Variants in JRK observed in about 807,000 individuals in gnomAD.
JRK encodes jerky protein homolog.
For synonymous variants in JRK, 303 were observed against 218.1 expected (o/e 1.39, Z -3.43); for missense variants, 720 against 509.2 (o/e 1.41, Z -3.98).
In JRK at chr8:142,660,517, G is replaced by A. The variant is rs993133665; in HGVS notation, c.*3835C>T. 107 of 788,368 alleles carry A rather than the reference G, an allele frequency of 1.4e-4. No individual in the cohort carries two copies. The highest frequency in any genetic ancestry group is 2.8e-4 in the African/African-American group (15 of 53,122). 48.8% of individuals were successfully genotyped at this position (788,368 alleles called of 1,614,324 possible). ...CTGGGCTTGGGGATCCTCCCGCCTCGGCCTCCTGAGTAGCTGGGGTTACAG... is the reference window on the plus strand; with the variant it reads ...CTGGGCTTGGGGATCCTCCCGCCTCAGCCTCCTGAGTAGCTGGGGTTACAG... On this transcript the variant is annotated 3_prime_UTR_variant, in exon 2 of 2. Coordinates refer to ENST00000612905, the MANE Select transcript of JRK (RefSeq NM_003724.4).
rs1554635433 is a variant in JRK at position 142,664,952 on chromosome 8, G to C, written c.1107C>G (p.Ala369=). Residue 369 remains alanine (A), a synonymous_variant, in exon 2 of 2, where the codon GCC becomes GCG. Transcript: ENST00000612905. The part of the protein sequence containing the change: ...MNDAIFSVAC[A]WNAVPSHVFR... Reference sequence around the variant, plus strand: ...AGACGTGGCTAGGGACTGCGTTCCAGGCACAGGCCACGCTGAATATGGCAT... The same window carrying C: ...AGACGTGGCTAGGGACTGCGTTCCACGCACAGGCCACGCTGAATATGGCAT... 1 of 785,262 alleles carries C rather than the reference G, an allele frequency of 1.3e-6. No individual in the cohort carries two copies. The highest frequency in any genetic ancestry group is 2.5e-5 in the East Asian group (1 of 39,532). The allele number at this position is 785,262 out of a possible 1,614,324, so 48.6% of individuals were successfully genotyped here. A position where few individuals can be genotyped will look rare whatever the true frequency, so the allele number is the denominator to read the frequency against.
the JRK span, among the ~76,000 whole-genome samples, chr8:142,651,540 CTTTTTT>C: frequency 4.0e-4 from 41 of 103,156 alleles, no homozygotes; most frequent in African/African-American, 1.1e-3. Flanking sequence ...AAAAATCAAT[CTTTTTT>C]TTTTTTTTTT....
the JRK span, among the ~76,000 whole-genome samples, chr8:142,644,325 G>A: frequency 6.6e-6 from 1 of 151,972 alleles, no homozygotes; most frequent in Non-Finnish European, 1.5e-5. Context: ...TGTGGCACAT[G>A]ATAATTTAAC....
the JRK span, among the ~76,000 whole-genome samples, chr8:142,646,000 C>G: frequency 6.6e-6 from 1 of 151,524 alleles, no homozygotes; most frequent in Non-Finnish European, 1.5e-5. Context: ...AAAGCACACA[C>G]TTTTTTTTAG....
the JRK span, among the ~76,000 whole-genome samples, chr8:142,650,189 C>T: frequency 6.6e-6 from 1 of 152,366 alleles, no homozygotes; most frequent in Non-Finnish European, 1.5e-5. Flanking sequence ...TGTATTTACC[C>T]AATGCATGTA....
downstream of JRK, among the ~76,000 whole-genome samples, chr8:142,655,575 T>C (rs1846733182): frequency 6.7e-6 from 1 of 148,754 alleles, no homozygotes; most frequent in Admixed American, 6.9e-5. Context: ...TGCAGTGAGA[T>C]CCCAGGCTGT....
chr8:142,654,761 A>C (rs1846718673), downstream of JRK, among the ~76,000 whole-genome samples: 1 of 151,550 alleles, frequency 6.6e-6, no homozygotes, highest in African/African-American at 2.4e-5. Flanking sequence ...TCCCCAGCTC[A>C]AGGGTCAAGG....
rs986606112 is a variant in JRK, at chr8:142,659,371, A to G, written c.*4981T>C. On this transcript the variant is annotated 3_prime_UTR_variant, in exon 2 of 2. Transcript: ENST00000612905. Reference sequence around the variant, plus strand: ...TGGACCTCAGTTCCTTTGGCTACTAAGGAGGCCCAACGATCCTCGCCTGTG... The same window carrying G: ...TGGACCTCAGTTCCTTTGGCTACTAGGGAGGCCCAACGATCCTCGCCTGTG... 2.4e-5 allele frequency: 24 copies of G among 990,506 alleles called. No individual in the cohort carries two copies. The highest frequency in any genetic ancestry group is 5.1e-4 in the Middle Eastern group (1 of 1,952). The allele number at this position is 990,506 out of a possible 1,614,324, so 61.4% of individuals were successfully genotyped here.
chr8:142,657,231 C>T (rs1325783582), downstream of JRK, among the ~76,000 whole-genome samples: 3 of 152,144 alleles, frequency 2.0e-5, no homozygotes, highest in African/African-American at 7.2e-5. Context: ...ATCATGCTAC[C>T]CAGACCCCTT....
chr8:142,656,109 C>G (rs1369540054), downstream of JRK, among the ~76,000 whole-genome samples: 2 of 152,220 alleles, frequency 1.3e-5, no homozygotes, highest in Admixed American at 1.3e-4. Flanking sequence ...CTATTACCTG[C>G]CTTTTTCCCC....
downstream of JRK, among the ~76,000 whole-genome samples, chr8:142,655,870 T>C (rs1298259984): frequency 6.6e-6 from 1 of 152,240 alleles, no homozygotes; most frequent in African/African-American, 2.4e-5. Context: ...ATTATTTCTT[T>C]AGTGGTTGTT....
In JRK at chr8:142,659,804, G is replaced by C; in HGVS notation, c.*4548C>G. On this transcript the variant is annotated 3_prime_UTR_variant, in exon 2 of 2. Coordinates refer to ENST00000612905, the MANE Select transcript of JRK (RefSeq NM_003724.4). ...AACGTGAGGCTGGTCATTAGGAGCAGGTAGCCCTGGGTCTCCCTCTGCCCT... is the reference window on the plus strand; with the variant it reads ...AACGTGAGGCTGGTCATTAGGAGCACGTAGCCCTGGGTCTCCCTCTGCCCT... The C allele has an allele frequency of 1.0e-6, 1 of 985,622 alleles. No individual in the cohort carries two copies. The allele number at this position is 985,622 out of a possible 1,614,324, so 61.1% of individuals were successfully genotyped here.
chr8:142,665,630 G>A lies in JRK; in HGVS notation c.429C>T (p.His143=), dbSNP rs587758802. The change falls in exon 2 of 2, where the codon CAC becomes CAT. Residue 143 remains histidine (H), a synonymous_variant. Coordinates refer to ENST00000612905, the MANE Select transcript of JRK (RefSeq NM_003724.4). ...GGWLWRFKAR[H]GIKKLDASSE... The stretch of plus-strand genomic sequence containing the variant: ...TGGATGCATCTAGCTTTTTAATGCC[G>A]TGTCTGGCCTTAAAGCGCCAAAGCC... The A allele has an allele frequency of 2.5e-5, 18 of 718,518 alleles. No homozygotes were observed. Among genetic ancestry groups the A allele is most frequent in the Middle Eastern group, 2.3e-4 (1 of 4,372 alleles). 44.5% of individuals were successfully genotyped at this position (718,518 alleles called of 1,614,324 possible).
the JRK span, among the ~76,000 whole-genome samples, chr8:142,651,577 T>G: frequency 8.0e-5 from 12 of 150,428 alleles, no homozygotes; most frequent in African/African-American, 2.9e-4. Context: ...ATTTAGCCAC[T>G]TCAGAGGCCT....
In JRK at chr8:142,662,755, G is replaced by A; in HGVS notation, c.*1597C>T. On this transcript the variant is annotated 3_prime_UTR_variant, in exon 2 of 2. Transcript: ENST00000612905. ...CTTCATGAGAACAGAGGTTTCAGTG[G>A]AATCAACAGCAGACGCTGGAATGCA... The A allele has an allele frequency of 1.0e-6, 1 of 985,478 alleles. No homozygotes were observed. Among genetic ancestry groups the A allele is most frequent in the Non-Finnish European group, 1.2e-6 (1 of 829,932 alleles). The allele number at this position is 985,478 out of a possible 1,614,324, so 61.0% of individuals were successfully genotyped here. A position where few individuals can be genotyped will look rare whatever the true frequency, so the allele number is the denominator to read the frequency against.
At position 142,660,524 on chromosome 8, in the gene JRK, T is replaced by A; in HGVS notation, c.*3828A>T. ...TGGGGATCCTCCCGCCTCGGCCTCCTGAGTAGCTGGGGTTACAGGCACATG... is the reference window on the plus strand; with the variant it reads ...TGGGGATCCTCCCGCCTCGGCCTCCAGAGTAGCTGGGGTTACAGGCACATG... On this transcript the variant is annotated 3_prime_UTR_variant, in exon 2 of 2. Coordinates refer to ENST00000612905, the MANE Select transcript of JRK (RefSeq NM_003724.4). The A allele has an allele frequency of 1.3e-6, 1 of 773,630 alleles. No individual in the cohort carries two copies. The highest frequency in any genetic ancestry group is 1.9e-5 in the African/African-American group (1 of 52,786). The allele number at this position is 773,630 out of a possible 1,614,324, so 47.9% of individuals were successfully genotyped here.
intron 1 of JRK, among the ~76,000 whole-genome samples, chr8:142,669,201 CGTGTGTGT>C (rs1218262926): frequency 2.1e-5 from 1 of 48,030 alleles, no homozygotes; most frequent in Admixed American, 2.2e-4. Flanking sequence ...TGTGTGTGTG[CGTGTGTGT>C]GTTGGGGGGT....
chr8:142,650,395 C>G, the JRK span, among the ~76,000 whole-genome samples: 1,502 of 152,136 alleles, frequency 9.9e-3, 27 homozygotes, highest in African/African-American at 0.033. Flanking sequence ...TGGGAGGGGC[C>G]GGGGGTGGAA....
rs1847033074 is a variant in JRK, at chr8:142,664,661, T to C, written c.1398A>G (p.Glu466=). Residue 466 remains glutamate, a synonymous_variant, in exon 2 of 2, where the codon GAA becomes GAG. Coordinates refer to ENST00000612905, the MANE Select transcript of JRK (RefSeq NM_003724.4). ...TSPAEVVWSS[E]KTPKADQDGR... ...CGTCCTGGTCAGCTTTCGGAGTCTTTTCTGAACTCCACACAACCTCTGCTG... is the reference window on the plus strand; with the variant it reads ...CGTCCTGGTCAGCTTTCGGAGTCTTCTCTGAACTCCACACAACCTCTGCTG... 6.2e-7 allele frequency: 1 copy of C among 1,611,626 alleles called. No individual in the cohort carries two copies. Among genetic ancestry groups the C allele is most frequent in the East Asian group, 2.2e-5 (1 of 44,832 alleles).
Sources: gnomAD v4.1 joint callset for allele counts (sites outside exome capture counted in the v4.1 genomes callset) on GRCh38, gnomAD v4.1.1 for gene constraint, MANE v1.5 for transcripts, NCBI Gene and HGNC (gene_info 2026-07-23, HGNC 2026-07-21) for gene names.